CALR3: variants seen among roughly 807,000 people sequenced by gnomAD.
The protein encoded by CALR3 is calreticulin 3, also known as calreticulin-3.
In CALR3, 39 loss-of-function variants were observed where a neutral mutation model predicts 48.7. The observed-to-expected ratio is 0.80, with a 90% confidence interval of 0.62 to 1.05. The LOEUF (loss-of-function observed/expected upper bound fraction) is 1.05. Ranked by LOEUF, CALR3 falls within the 50% of genes least tolerant of loss-of-function variation. CALR3 has a pLI of 0.00. For missense variants in CALR3, 449 were observed against 474.7 expected (o/e 0.95, Z 0.50); for synonymous variants, 185 against 172.7 (o/e 1.07, Z -0.56).
intron 2 of CALR3, among the ~76,000 whole-genome samples, chr19:16,492,432 G>A (rs900914840): frequency 1.3e-5 from 2 of 151,540 alleles, no homozygotes; most frequent in African/African-American, 4.8e-5. Context: ...GCGAAACTCC[G>A]TTTAAAAAAA....
intron 4 of CALR3, 63 bp from the exon 5 acceptor site, chr19:16,484,178 CTTTTTT>C: frequency 1.2e-5 from 13 of 1,079,378 alleles, no homozygotes; most frequent in Admixed American, 2.7e-5. Flanking sequence ...CTTTTCTTTT[CTTTTTT>C]TTTTTTTTTT....
At chr19:16,487,709 CTAACCA>C (rs2093391355) in intron 3 of CALR3, among the ~76,000 whole-genome samples, 1 of 151,998 alleles carries the variant, frequency 6.6e-6, no homozygotes, top group Admixed American at 6.6e-5. Flanking sequence ...GCAATCTCGG[CTAACCA>C]TAACCTCTGC....
Position 16,482,595 on chromosome 19 carries a change from AC to A in CALR3, c.787-15del. On this transcript the variant is annotated splice_polypyrimidine_tract_variant and intron_variant, in intron 6 of 8. Coordinates refer to ENST00000269881, the MANE Select transcript of CALR3 (RefSeq NM_145046.5). The stretch of plus-strand genomic sequence containing the variant: ...TTTCAGGCCATCCTGTATCAAAAAA[AC>A]CATATGGGGTGGTCTCAATGACATG... 1 of 1,614,146 alleles carries A rather than the reference AC, an allele frequency of 6.2e-7. No homozygotes were observed. Among genetic ancestry groups the A allele is most frequent in the Non-Finnish European group, 8.5e-7 (1 of 1,180,024 alleles).
chr19:16,493,729 T>C (rs978693626), intron 2 of CALR3, among the ~76,000 whole-genome samples: 2 of 151,638 alleles, frequency 1.3e-5, no homozygotes, highest in South Asian at 2.1e-4. Context: ...TTTGTATATA[T>C]ATATATTTTT....
chr19:16,482,872 G>A, intron 5 of CALR3, 87 bp from the exon 6 acceptor site: 1 of 1,293,364 alleles, frequency 7.7e-7, no homozygotes, highest in Non-Finnish European at 1.1e-6. Flanking sequence ...CTTGAGACTA[G>A]GTTTTGCTCT....
At position 16,482,599 on chromosome 19, in the gene CALR3, T is replaced by A. The variant is rs1317074220; in HGVS notation, c.787-18A>T. The A allele has an allele frequency of 6.2e-6, 10 of 1,613,916 alleles. No homozygotes were observed. Among genetic ancestry groups the A allele is most frequent in the Non-Finnish European group, 7.6e-6 (9 of 1,180,008 alleles). On this transcript the variant is annotated intron_variant, in intron 6 of 8. Coordinates refer to ENST00000269881, the MANE Select transcript of CALR3 (RefSeq NM_145046.5). Reference sequence around the variant, plus strand: ...AGGCCATCCTGTATCAAAAAAACCATATGGGGTGGTCTCAATGACATGGGC... The same window carrying A: ...AGGCCATCCTGTATCAAAAAAACCAAATGGGGTGGTCTCAATGACATGGGC...
intron 2 of CALR3, among the ~76,000 whole-genome samples, chr19:16,493,802 C>T (rs2093401616): frequency 6.7e-6 from 1 of 149,034 alleles, no homozygotes; most frequent in Non-Finnish European, 1.5e-5. Context: ...ATCTTGGCTC[C>T]CTGCAACCTC....
Position 16,479,255 on chromosome 19 carries a change from T to TC in CALR3, c.1030dup (p.Asp344GlyfsTer26), listed in dbSNP as rs1367451600. The TC allele has an allele frequency of 6.2e-7, 1 of 1,614,070 alleles. No individual in the cohort carries two copies. Among genetic ancestry groups the TC allele is most frequent in the South Asian group, 1.1e-5 (1 of 91,064 alleles). On this transcript the variant is annotated frameshift_variant, in exon 9 of 9. Coordinates refer to ENST00000269881, the MANE Select transcript of CALR3 (RefSeq NM_145046.5). LOFTEE classifies it low-confidence loss of function (END_TRUNC). ...CATTTCCTCCTTGGCCTGTATGGCATCCATCTCCCTTTCTGGACCCTGGAG... is the reference window on the plus strand; with the variant it reads ...CATTTCCTCCTTGGCCTGTATGGCATCCCATCTCCCTTTCTGGACCCTGGAG...
At position 16,484,967 on chromosome 19, in the gene CALR3, G is replaced by A. The variant is rs567094546; in HGVS notation, c.492+196C>T. Among the ~76,000 whole-genome samples, 15 of 152,236 alleles carry A rather than the reference G, an allele frequency of 9.9e-5. No homozygotes were observed. The South Asian group carries it at 3.1e-3, about 32-fold the overall frequency. The stretch of plus-strand genomic sequence containing the variant: ...AAAAAATGAGAGTGCCCTCCTGATG[G>A]GGTAAAAACTTCAGGAAACCAGTTA... On this transcript the variant is annotated intron_variant, in intron 4 of 8. Coordinates refer to ENST00000269881, the MANE Select transcript of CALR3 (RefSeq NM_145046.5).
At chr19:16,494,341 C>T (rs1000192594) in intron 2 of CALR3, among the ~76,000 whole-genome samples, 5 of 151,574 alleles carry the variant, frequency 3.3e-5, no homozygotes, top group African/African-American at 7.3e-5. Flanking sequence ...GGATTACAGG[C>T]GTGAGCCACC....
chr19:16,481,325 G>A (rs2093380325), intron 7 of CALR3, among the ~76,000 whole-genome samples: 1 of 152,046 alleles, frequency 6.6e-6, no homozygotes, highest in Non-Finnish European at 1.5e-5. Flanking sequence ...GCTCAGTAGT[G>A]TATACTATAA....
At chr19:16,488,273 A>G (rs2093392257) in intron 3 of CALR3, among the ~76,000 whole-genome samples, 1 of 151,986 alleles carries the variant, frequency 6.6e-6, no homozygotes, top group South Asian at 2.1e-4. Flanking sequence ...TTGTAGTGAC[A>G]GGGTCTCACT....
chr19:16,485,508 TG>T (rs1302932175), intron 3 of CALR3, among the ~76,000 whole-genome samples: 1 of 151,944 alleles, frequency 6.6e-6, no homozygotes, highest in Non-Finnish European at 1.5e-5. Flanking sequence ...TTAGTAGAGA[TG>T]GGGTTTCACC....
chr19:16,482,929 CA>C, intron 5 of CALR3, 144 bp from the exon 6 acceptor site: 3 of 770,000 alleles, frequency 3.9e-6, no homozygotes, highest in Non-Finnish European at 6.6e-6. Context: ...ACTGCAGCCT[CA>C]ACCTCTTGGG....
At chr19:16,488,473 C>G (rs1017012920) in intron 3 of CALR3, among the ~76,000 whole-genome samples, 1 of 151,116 alleles carries the variant, frequency 6.6e-6, no homozygotes, top group African/African-American at 2.4e-5. Flanking sequence ...GGTGAGATCT[C>G]GGCTCACTGC....
intron 2 of CALR3, among the ~76,000 whole-genome samples, chr19:16,491,650 G>A (rs2122145175): frequency 6.7e-6 from 1 of 149,760 alleles, no homozygotes; most frequent in Non-Finnish European, 1.5e-5. Flanking sequence ...GGTGGCATGT[G>A]CCTGTAGTCC....
intron 7 of CALR3, 110 bp downstream of exon 7, chr19:16,482,340 C>T: frequency 6.7e-7 from 1 of 1,483,138 alleles, no homozygotes; most frequent in Non-Finnish European, 9.2e-7. Context: ...GATGGTGCCA[C>T]TGCACTCCAG....
At position 16,490,818 on chromosome 19, in the gene CALR3, C is replaced by T. The variant is rs150016869; in HGVS notation, c.194-248G>A. ...TGTCGCCCAGGCTGGAGTGCAATGG[C>T]GTGATCTCGGCTCACTGCAACCTCC... On this transcript the variant is annotated intron_variant, in intron 2 of 8. Transcript: ENST00000269881. 4.4e-3 allele frequency among the ~76,000 whole-genome samples: 663 copies of T among 151,740 alleles called. 4 individuals are homozygous for T. The highest frequency in any genetic ancestry group is 0.015 in the African/African-American group (613 of 41,332).
At chr19:16,494,727 G>C (rs747204596) in intron 2 of CALR3, among the ~76,000 whole-genome samples, 5 of 152,176 alleles carry the variant, frequency 3.3e-5, no homozygotes, top group Non-Finnish European at 7.3e-5. Context: ...CTTCTGAGGG[G>C]CATGGCCCTT....
Sources: allele counts gnomAD v4.1 joint callset (sites outside exome capture counted in the v4.1 genomes callset), GRCh38; gene constraint gnomAD v4.1.1; transcripts MANE v1.5; gene names NCBI Gene and HGNC (gene_info 2026-07-23, HGNC 2026-07-21).